UBE2D3: variants seen among roughly 807,000 people sequenced by gnomAD.
UBE2D3 encodes the protein ubiquitin conjugating enzyme E2 D3.
In UBE2D3, 2 loss-of-function variants were observed where a neutral mutation model predicts 22.8. The observed-to-expected ratio is 0.09, with a 90% CI of 0.04 to 0.28. The LOEUF is 0.28. Among genes scored for constraint, UBE2D3 ranks in the 10% least tolerant of loss-of-function variants. The pLI, the probability that UBE2D3 is intolerant of heterozygous loss-of-function variation, is 1.00. For synonymous variants in UBE2D3, 56 were observed against 60.4 expected (o/e 0.93, Z 0.34); for missense variants, 27 against 182.5 (o/e 0.15, Z 4.91).
intron 2 of UBE2D3, among the ~76,000 whole-genome samples, chr4:102,813,690 G>C (rs1003514623): frequency 6.6e-6 from 1 of 152,236 alleles, no homozygotes; most frequent in Non-Finnish European, 1.5e-5. Flanking sequence ...GGTCCTAGGA[G>C]TTAACACTGG....
chr4:102,850,343 T>C (rs1732277593), intron 1 of UBE2D3, among the ~76,000 whole-genome samples: 1 of 99,610 alleles, frequency 1.0e-5, no homozygotes, highest in African/African-American at 5.7e-5. Flanking sequence ...TTTTTGCATA[T>C]ATGCTATATT....
intron 1 of UBE2D3, among the ~76,000 whole-genome samples, chr4:102,864,245 AACT>A (rs939786741): frequency 1.5e-4 from 22 of 145,466 alleles, no homozygotes; most frequent in African/African-American, 5.2e-4. Flanking sequence ...CTACAGTCTT[AACT>A]ATAATGCTGT....
At chr4:102,827,051 C>T in intron 1 of UBE2D3, 20 of 990,298 alleles carry the variant, frequency 2.0e-5, no homozygotes, top group Non-Finnish European at 2.4e-5. Flanking sequence ...TCCAAAGGTG[C>T]GGCCGGGAAA....
chr4:102,797,155 T>G lies in UBE2D3; in HGVS notation c.*260A>C. 3.0e-6 allele frequency: 1 copy of G among 337,766 alleles called. No homozygotes were observed. The highest frequency in any genetic ancestry group is 4.4e-5 in the Admixed American group (1 of 22,618). The allele number at this position is 337,766 out of a possible 1,614,324, so 20.9% of individuals were successfully genotyped here. On this transcript the variant is annotated 3_prime_UTR_variant, in exon 8 of 8. Coordinates refer to ENST00000453744, the MANE Select transcript of UBE2D3 (RefSeq NM_181891.3). ...CCACATAATACACATGCTCCATTTT[T>G]TTTTTTAAAAATTCTGAGTCTTGGG...
chr4:102,817,537 T>A (rs1728946993), intron 2 of UBE2D3, among the ~76,000 whole-genome samples: 1 of 152,140 alleles, frequency 6.6e-6, no homozygotes. Context: ...AAATTTGGAC[T>A]AGGGGTAAGT....
upstream of UBE2D3, among the ~76,000 whole-genome samples, chr4:102,830,228 C>T (rs1731047212): frequency 6.6e-6 from 1 of 152,126 alleles, no homozygotes. Flanking sequence ...TTACAGAGAG[C>T]CCACTTTACA....
At chr4:102,799,891 A>C (rs969772208) in intron 6 of UBE2D3, among the ~76,000 whole-genome samples, 1 of 150,394 alleles carries the variant, frequency 6.6e-6, no homozygotes, top group Non-Finnish European at 1.5e-5. Context: ...ATTCATAGCC[A>C]TTAGGCATGA....
chr4:102,827,756 G>T, upstream of UBE2D3: 3 of 985,834 alleles, frequency 3.0e-6, no homozygotes, highest in Non-Finnish European at 3.6e-6. Flanking sequence ...ACAGATCGGA[G>T]ATTGGACCAG....
chr4:102,803,026 T>A (rs1434454966), intron 4 of UBE2D3, among the ~76,000 whole-genome samples: 2 of 152,204 alleles, frequency 1.3e-5, no homozygotes, highest in Non-Finnish European at 2.9e-5. Flanking sequence ...ACAAATGGCT[T>A]CACAACAGTC....
intron 1 of UBE2D3, among the ~76,000 whole-genome samples, chr4:102,860,965 C>T (rs945664203): frequency 6.6e-6 from 1 of 151,972 alleles, no homozygotes; most frequent in African/African-American, 2.4e-5. Context: ...TCTGAAGAAT[C>T]ATGTGTTGGT....
At chr4:102,797,620 T>C (rs112514375) in intron 7 of UBE2D3, among the ~76,000 whole-genome samples, 160 bp from the exon 8 acceptor site, 2 of 151,996 alleles carry the variant, frequency 1.3e-5, no homozygotes, top group Admixed American at 6.6e-5. Context: ...ATAGCACTGG[T>C]ACTCAAAGCA....
intron 1 of UBE2D3, among the ~76,000 whole-genome samples, chr4:102,855,368 T>G (rs1379395545): frequency 6.6e-6 from 1 of 152,174 alleles, no homozygotes; most frequent in Non-Finnish European, 1.5e-5. Flanking sequence ...TTCTACAACA[T>G]GTACCAACAG....
At chr4:102,807,186 C>T (rs1302832201) in intron 4 of UBE2D3, among the ~76,000 whole-genome samples, 3 of 152,158 alleles carry the variant, frequency 2.0e-5, no homozygotes, top group African/African-American at 7.2e-5. Flanking sequence ...CCCACTAAAT[C>T]TGTAATTTAT....
At chr4:102,844,436 A>C (rs551832578) in intron 1 of UBE2D3, among the ~76,000 whole-genome samples, 1 of 152,296 alleles carries the variant, frequency 6.6e-6, no homozygotes, top group East Asian at 1.9e-4. Flanking sequence ...CTTAATGAGG[A>C]GTGGTAGAAA....
intron 1 of UBE2D3, 126 bp downstream of exon 1, chr4:102,827,301 A>C (rs1578272426): frequency 2.1e-6 from 2 of 943,762 alleles, no homozygotes; most frequent in Non-Finnish European, 2.5e-6. Context: ...CAACCTTCCC[A>C]CCCTAACCCA....
intron 1 of UBE2D3, among the ~76,000 whole-genome samples, chr4:102,838,979 C>A (rs1199415505): frequency 6.6e-6 from 1 of 152,038 alleles, no homozygotes; most frequent in African/African-American, 2.4e-5. Context: ...ACTGAAGCTT[C>A]TGGATGTTGT....
intron 4 of UBE2D3, among the ~76,000 whole-genome samples, chr4:102,807,425 G>A (rs531410089): frequency 1.1e-4 from 17 of 152,264 alleles, no homozygotes; most frequent in African/African-American, 4.1e-4. Context: ...CGTACTTTGG[G>A]TGGATTTTTA....
chr4:102,832,212 G>A (rs1263599510), upstream of UBE2D3, among the ~76,000 whole-genome samples: 10 of 152,154 alleles, frequency 6.6e-5, no homozygotes, highest in Non-Finnish European at 8.8e-5. Context: ...GAGGCTCCTA[G>A]GAAGAGGAAA....
intron 1 of UBE2D3, among the ~76,000 whole-genome samples, chr4:102,839,774 C>T (rs570628529): frequency 3.9e-5 from 6 of 152,220 alleles, no homozygotes; most frequent in Non-Finnish European, 7.4e-5. Flanking sequence ...AAAGCACAAA[C>T]AGCAAAGACA....
Sources: allele counts gnomAD v4.1 joint callset (sites outside exome capture counted in the v4.1 genomes callset), GRCh38; gene constraint gnomAD v4.1.1; transcripts MANE v1.5; gene names NCBI Gene and HGNC (gene_info 2026-07-23, HGNC 2026-07-21).